Variants in DYNLL1 observed in about 807,000 individuals in gnomAD.
The protein encoded by DYNLL1 is dynein light chain LC8-type 1.
In DYNLL1, 3 loss-of-function variants were observed where a neutral mutation model predicts 10.1. The ratio of observed to expected loss-of-function variants is 0.30; its 90% CI spans 0.14 to 0.77. DYNLL1 has a LOEUF of 0.77. Ranked by LOEUF, DYNLL1 falls within the 30% of genes least tolerant of loss-of-function variation. The pLI is 0.66. For synonymous variants in DYNLL1, 46 were observed against 41.2 expected, an observed-to-expected ratio of 1.12 and a Z score of -0.45; for missense variants, 47 against 111.7, an observed-to-expected ratio of 0.42 and a Z score of 2.61.
chr12:120,487,272 CTTTTTTTTTTTTTTTTTTTTTT>C (rs71076619), intron 1 of DYNLL1, among the ~76,000 whole-genome samples: 10 of 50,382 alleles, frequency 2.0e-4, no homozygotes, highest in South Asian at 7.3e-4. Flanking sequence ...CGTGCCCGGC[CTTTTTTTTTTTTTTTTTTTTTT>C]TTTTTTTTTT....
rs1263984779 is a variant in DYNLL1 at position 120,497,049 on chromosome 12, C to T, written c.132+496C>T. 6 of 207,932 alleles carry T rather than the reference C, an allele frequency of 2.9e-5. No homozygotes were observed. The Admixed American group carries it at 3.1e-4, about 11-fold the overall frequency. The allele number at this position is 207,932 out of a possible 1,614,324, so 12.9% of individuals were successfully genotyped here. ...CTGCCAACTTCTCGAGCAGTGTTTGCTGGAAGGGAAGAAAGCTGGCAGCCT... is the reference window on the plus strand; with the variant it reads ...CTGCCAACTTCTCGAGCAGTGTTTGTTGGAAGGGAAGAAAGCTGGCAGCCT... On this transcript the variant is annotated intron_variant, in intron 2 of 2. Coordinates refer to ENST00000242577, the MANE Select transcript of DYNLL1 (RefSeq NM_003746.3).
intron 1 of DYNLL1, among the ~76,000 whole-genome samples, chr12:120,476,531 A>G (rs1349735472): frequency 1.3e-5 from 2 of 152,084 alleles, no homozygotes; most frequent in Non-Finnish European, 2.9e-5. Flanking sequence ...TTGTAATTCC[A>G]TCCTTCTCAT....
At chr12:120,493,196 G>A (rs1453644822), upstream of DYNLL1, among the ~76,000 whole-genome samples, 1 of 152,104 alleles carries the variant, frequency 6.6e-6, no homozygotes, top group African/African-American at 2.4e-5. Context: ...TATGGCCAAT[G>A]AGACTGGCTT....
At position 120,496,406 on chromosome 12, in the gene DYNLL1, T is replaced by C. The variant is rs759175216; in HGVS notation, c.-6-10T>C. ...CAACTCAACCCCTTACCCCAGGCCT[T>C]GCCCACTAGGTAACCATGTGCGACC... is the stretch of plus-strand genomic sequence containing the variant. On this transcript the variant is annotated splice_polypyrimidine_tract_variant and intron_variant, in intron 1 of 2. Coordinates refer to ENST00000242577, the MANE Select transcript of DYNLL1 (RefSeq NM_003746.3). The C allele has an allele frequency of 2.5e-6, 4 of 1,613,878 alleles. No individual in the cohort carries two copies. The East Asian group carries it at 8.9e-5, about 36-fold the overall frequency.
chr12:120,474,597 A>C (rs1485600913), intron 1 of DYNLL1, among the ~76,000 whole-genome samples: 1 of 152,196 alleles, frequency 6.6e-6, no homozygotes, highest in African/African-American at 2.4e-5. Flanking sequence ...TAAAACAAAC[A>C]AAAAACCAAC....
chr12:120,471,281 G>A (rs983606434), intron 1 of DYNLL1, among the ~76,000 whole-genome samples: 1 of 151,462 alleles, frequency 6.6e-6, no homozygotes, highest in African/African-American at 2.4e-5. Context: ...GATGAGGCAC[G>A]AGAATCGCTT....
chr12:120,471,609 A>ATT (rs1878652833), intron 1 of DYNLL1, among the ~76,000 whole-genome samples: 1 of 151,470 alleles, frequency 6.6e-6, no homozygotes, highest in Non-Finnish European at 1.5e-5. Flanking sequence ...TGCTTGTAGG[A>ATT]TTTTTTGTTT....
At chr12:120,473,692 CAAAAAAA>C (rs1227211097) in intron 1 of DYNLL1, among the ~76,000 whole-genome samples, 5 of 75,448 alleles carry the variant, frequency 6.6e-5, no homozygotes, top group Non-Finnish European at 1.4e-4. Context: ...GACTCTGTCT[CAAAAAAA>C]AAAAAAAAAA....
At chr12:120,474,164 G>A (rs994814603) in intron 1 of DYNLL1, among the ~76,000 whole-genome samples, 5 of 151,882 alleles carry the variant, frequency 3.3e-5, no homozygotes, top group African/African-American at 2.4e-5. Flanking sequence ...GCTGGGCATG[G>A]TGGCACACAC....
rs1237443856 is a variant in DYNLL1, at chr12:120,482,405, C to T, written c.-7+12301C>T. On this transcript the variant is annotated intron_variant, in intron 1 of 2. Transcript: ENST00000392509. The stretch of plus-strand genomic sequence containing the variant: ...TGGCGCCATCTCGGCTCGCTGCAAG[C>T]TCCACCTCCCGGGTTCACGCCATTC... Among the ~76,000 whole-genome samples, 4 of 151,934 alleles carry T rather than the reference C, an allele frequency of 2.6e-5. No homozygotes were observed. The East Asian group carries it at 7.8e-4, about 30-fold the overall frequency.
intron 1 of DYNLL1, among the ~76,000 whole-genome samples, chr12:120,471,230 C>G (rs965167103): frequency 2.0e-5 from 3 of 149,114 alleles, no homozygotes; most frequent in African/African-American, 7.5e-5. Context: ...AAAAAATTAG[C>G]CAAGCTTGGT....
chr12:120,490,956 C>G (rs754425505), intron 1 of DYNLL1: 4 of 152,304 alleles, frequency 2.6e-5, no homozygotes, highest in Non-Finnish European at 4.4e-5. Context: ...TTAATCCTCA[C>G]ATTGTCCCTG....
intron 1 of DYNLL1, among the ~76,000 whole-genome samples, chr12:120,474,479 G>A (rs1007380770): frequency 1.9e-4 from 29 of 149,786 alleles, no homozygotes; most frequent in African/African-American, 6.1e-4. Flanking sequence ...ACAACAGCTC[G>A]GGTGATGAGT....
chr12:120,476,794 T>C (rs1366949701), intron 1 of DYNLL1, among the ~76,000 whole-genome samples: 2 of 152,100 alleles, frequency 1.3e-5, no homozygotes, highest in African/African-American at 4.8e-5. Flanking sequence ...TATTTTTTAG[T>C]AGAGATGGGA....
At chr12:120,472,868 C>T (rs1463818375) in intron 1 of DYNLL1, among the ~76,000 whole-genome samples, 1 of 152,152 alleles carries the variant, frequency 6.6e-6, no homozygotes, top group Non-Finnish European at 1.5e-5. Context: ...CCCCTTTATT[C>T]CTGTACTGAC....
chr12:120,489,228 A>G (rs1350877287), intron 1 of DYNLL1, among the ~76,000 whole-genome samples: 1 of 152,194 alleles, frequency 6.6e-6, no homozygotes. Context: ...TCTCCAAATT[A>G]TAGCTCAAGG....
intron 1 of DYNLL1, among the ~76,000 whole-genome samples, chr12:120,482,899 C>T (rs1440294033): frequency 1.3e-5 from 2 of 150,892 alleles, no homozygotes; most frequent in Non-Finnish European, 1.5e-5. Context: ...GGCAAGATGG[C>T]GAGACCTCCA....
At chr12:120,479,408 C>A in intron 1 of DYNLL1, among the ~76,000 whole-genome samples, 1 of 129,242 alleles carries the variant, frequency 7.7e-6, no homozygotes, top group South Asian at 2.5e-4. Flanking sequence ...CAGCTGAGAT[C>A]ACACCATCCA....
upstream of DYNLL1, among the ~76,000 whole-genome samples, chr12:120,493,423 C>T (rs1334918841): frequency 1.3e-5 from 2 of 151,682 alleles, no homozygotes; most frequent in Admixed American, 6.6e-5. Context: ...TGTATCCCAG[C>T]TACTCAGGAG....
Sources: gnomAD v4.1 joint callset for allele counts (sites outside exome capture counted in the v4.1 genomes callset) on GRCh38, gnomAD v4.1.1 for gene constraint, MANE v1.5 for transcripts, NCBI Gene and HGNC (gene_info 2026-07-23, HGNC 2026-07-21) for gene names.